ENTPD1: variants seen among roughly 807,000 people sequenced by gnomAD.
ENTPD1 encodes ectonucleoside triphosphate diphosphohydrolase 1, also known as ATP diphosphohydrolase.
In ENTPD1, 33 loss-of-function variants were observed where a neutral mutation model predicts 57.0. That is an observed-to-expected ratio of 0.58 (90% CI 0.44 to 0.77). ENTPD1 has a LOEUF of 0.77. Among genes scored for constraint, ENTPD1 ranks in the 30% least tolerant of loss-of-function variants. The pLI is 0.00. For synonymous variants in ENTPD1, 202 were observed against 218.8 expected, an observed-to-expected ratio of 0.92 and a Z score of 0.68; for missense variants, 501 against 603.4, an observed-to-expected ratio of 0.83 and a Z score of 1.78.
intron 9 of ENTPD1, 22 bp downstream of exon 9, chr10:95,864,883 C>T (rs2141002718): frequency 1.2e-6 from 2 of 1,602,316 alleles, no homozygotes; most frequent in South Asian, 1.1e-5. Flanking sequence ...GCCTGTTGGG[C>T]TGGGGGGAGG....
chr10:95,839,000 A>G (rs753309595), intron 2 of ENTPD1, among the ~76,000 whole-genome samples: 2 of 152,224 alleles, frequency 1.3e-5, no homozygotes, highest in Non-Finnish European at 2.9e-5. Context: ...TGTAAAATAT[A>G]TTAAATACAA....
At chr10:95,718,308 T>C (rs1272803471) in intron 1 of ENTPD1, among the ~76,000 whole-genome samples, 1 of 152,178 alleles carries the variant, frequency 6.6e-6, no homozygotes, top group African/African-American at 2.4e-5. Flanking sequence ...TGCTGAGTAC[T>C]GGGGCTTGGT....
intron 1 of ENTPD1, among the ~76,000 whole-genome samples, chr10:95,810,916 CA>C (rs2140443710): frequency 6.6e-6 from 1 of 152,196 alleles, no homozygotes; most frequent in African/African-American, 2.4e-5. Context: ...TCTGAAATAT[CA>C]GTAGTATCTG....
intron 7 of ENTPD1, among the ~76,000 whole-genome samples, chr10:95,850,270 C>CA (rs1231465890): frequency 4.6e-5 from 7 of 152,232 alleles, no homozygotes; most frequent in African/African-American, 1.7e-4. Flanking sequence ...CCTCTAGATA[C>CA]AGCCCTCAGG....
intron 1 of ENTPD1, among the ~76,000 whole-genome samples, chr10:95,790,345 A>G (rs2098198512): frequency 6.6e-6 from 1 of 152,196 alleles, no homozygotes; most frequent in Non-Finnish European, 1.5e-5. Context: ...AATATGTGTA[A>G]ATTGACTATG....
Position 95,866,895 on chromosome 10 carries a change from G to A in ENTPD1, c.*512G>A, listed in dbSNP as rs1247693186. ...CATTCCCAGCCTGCTCTGTGGGTAG[G>A]AGAATTTTCTACAGTAGGCAAATAT... is the stretch of plus-strand genomic sequence containing the variant. On this transcript the variant is annotated 3_prime_UTR_variant, in exon 10 of 10. Coordinates refer to ENST00000371205, the MANE Select transcript of ENTPD1 (RefSeq NM_001776.6). 49 of 1,019,004 alleles carry A rather than the reference G, an allele frequency of 4.8e-5. No homozygotes were observed. Among genetic ancestry groups the A allele is most frequent in the Middle Eastern group, 4.9e-4 (1 of 2,034 alleles). 63.1% of individuals were successfully genotyped at this position (1,019,004 alleles called of 1,614,324 possible).
At chr10:95,736,174 T>C (rs911103989) in intron 1 of ENTPD1, among the ~76,000 whole-genome samples, 1 of 152,028 alleles carries the variant, frequency 6.6e-6, no homozygotes, top group Non-Finnish European at 1.5e-5. Context: ...CTAATTTTTG[T>C]ATTTTTAGTA....
rs573420134 is a variant in ENTPD1 at position 95,793,257 on chromosome 10, G to C, written c.17-29980G>C. On this transcript the variant is annotated intron_variant, in intron 1 of 9. Transcript: ENST00000371205. ...AGTAACTGAGGGAATTGCCTAATAA[G>C]GAATAGACGGGAGGCATGCTGCCCC... is the stretch of plus-strand genomic sequence containing the variant. Among the ~76,000 whole-genome samples the C allele has an allele frequency of 2.0e-5, 3 of 152,308 alleles. No individual in the cohort carries two copies. The East Asian group carries it at 5.8e-4, about 29-fold the overall frequency.
the ENTPD1 span, among the ~76,000 whole-genome samples, chr10:95,698,660 C>T: frequency 6.6e-6 from 1 of 152,234 alleles, no homozygotes; most frequent in Non-Finnish European, 1.5e-5. Context: ...GCTCACTGCC[C>T]AGGGCCACCT....
At chr10:95,814,445 C>G (rs1346705755) in intron 1 of ENTPD1, among the ~76,000 whole-genome samples, 1 of 152,054 alleles carries the variant, frequency 6.6e-6, no homozygotes, top group Non-Finnish European at 1.5e-5. Flanking sequence ...AAGTGCAAAC[C>G]AGTTATGTTA....
chr10:95,789,237 A>G (rs1257362463), intron 1 of ENTPD1, among the ~76,000 whole-genome samples: 5 of 152,240 alleles, frequency 3.3e-5, no homozygotes, highest in Non-Finnish European at 5.9e-5. Context: ...AAAGAATTTT[A>G]GAGAGATATG....
chr10:95,781,312 G>A (rs921861056), intron 1 of ENTPD1, among the ~76,000 whole-genome samples: 2 of 152,102 alleles, frequency 1.3e-5, no homozygotes, highest in Non-Finnish European at 2.9e-5. Context: ...ACAAAAAATA[G>A]TTAGAAAGAA....
chr10:95,870,755 G>C lies in ENTPD1; in HGVS notation c.*4372G>C, dbSNP rs944146926. ...GCTCTGATTCAAATTCCAACTGTTA[G>C]AACATGACAGCTGCTCATAACTAGC... is the stretch of plus-strand genomic sequence containing the variant. On this transcript the variant is annotated 3_prime_UTR_variant, in exon 10 of 10. Transcript: ENST00000371205. 1.0e-6 allele frequency: 1 copy of C among 985,298 alleles called. No homozygotes were observed. Among genetic ancestry groups the C allele is most frequent in the African/African-American group, 1.7e-5 (1 of 57,244 alleles). 61.0% of individuals were successfully genotyped at this position (985,298 alleles called of 1,614,324 possible). A position where few individuals can be genotyped will look rare whatever the true frequency, so the allele number is the denominator to read the frequency against.
At chr10:95,773,832 C>A (rs950477820) in intron 1 of ENTPD1, among the ~76,000 whole-genome samples, 21 of 152,160 alleles carry the variant, frequency 1.4e-4, no homozygotes, top group African/African-American at 5.1e-4. Flanking sequence ...GATTTATAAT[C>A]CTTTGGGTAG....
At chr10:95,709,779 T>C (rs558170624), upstream of ENTPD1, among the ~76,000 whole-genome samples, 1 of 152,202 alleles carries the variant, frequency 6.6e-6, no homozygotes, top group African/African-American at 2.4e-5. Context: ...TGTTTGTTTG[T>C]TTTTGAGACG....
chr10:95,860,427 T>C (rs1271241390), intron 7 of ENTPD1, 42 bp from the exon 8 acceptor site: 2 of 1,542,308 alleles, frequency 1.3e-6, no homozygotes, highest in Admixed American at 3.5e-5. Flanking sequence ...TTGGCATCCC[T>C]CTGTGTGGAA....
chr10:95,786,173 C>T (rs1005371379), intron 1 of ENTPD1, among the ~76,000 whole-genome samples: 1 of 152,176 alleles, frequency 6.6e-6, no homozygotes, highest in African/African-American at 2.4e-5. Context: ...TCCAAACTCC[C>T]TAGGGATGGT....
upstream of ENTPD1, chr10:95,755,510 A>C: frequency 1.7e-6 from 1 of 601,356 alleles, no homozygotes; most frequent in South Asian, 2.1e-5. Context: ...CAAAGGTAGG[A>C]AGTCAAAGTT....
intron 2 of ENTPD1, among the ~76,000 whole-genome samples, chr10:95,838,941 A>G (rs549664919): frequency 5.3e-5 from 8 of 150,714 alleles, no homozygotes; most frequent in Admixed American, 2.0e-4. Context: ...TCTTCTTTTC[A>G]TCTCCCCCTA....
Sources: gnomAD v4.1 joint callset for allele counts (sites outside exome capture counted in the v4.1 genomes callset) on GRCh38, gnomAD v4.1.1 for gene constraint, MANE v1.5 for transcripts, NCBI Gene and HGNC (gene_info 2026-07-23, HGNC 2026-07-21) for gene names.